ANKRD53: variants seen among roughly 807,000 people sequenced by gnomAD.
ANKRD53 encodes the protein ankyrin repeat domain-containing protein 53.
ANKRD53 carries 27 observed loss-of-function variants against 30.1 expected under a neutral mutation model. That is an observed-to-expected ratio of 0.90 (90% confidence interval 0.66 to 1.24). ANKRD53 has a LOEUF of 1.24. Among genes scored for constraint, ANKRD53 ranks in the 50% most tolerant of loss-of-function variants. The probability of loss-of-function intolerance (pLI) is 0.00; values close to 1 mark genes in which losing one functional copy is unlikely to be tolerated. For synonymous variants in ANKRD53, 286 were observed against 295.4 expected, an observed-to-expected ratio of 0.97 and a Z score of 0.33; for missense variants, 682 against 721.0, an observed-to-expected ratio of 0.95 and a Z score of 0.62.
chr2:70,982,716 G>C lies in ANKRD53; in HGVS notation c.903+19G>C, dbSNP rs1053858037. 1.2e-6 allele frequency: 2 copies of C among 1,612,336 alleles called. No individual in the cohort carries two copies. Among genetic ancestry groups the C allele is most frequent in the African/African-American group, 1.3e-5 (1 of 74,820 alleles). On this transcript the variant is annotated intron_variant, in intron 5 of 5. Transcript: ENST00000360589. This position sits in a 1 kb window ranked among gnomAD's most constrained non-coding sequence, Gnocchi z 4.2. ...GTATCAAGTAAGGGGGACAGCAGGG[G>C]GGCCAGGGGACAGCTGCTATCCAGG...
Position 70,982,523 on chromosome 2 carries a change from A to G in ANKRD53, c.783-54A>G. 6.2e-7 allele frequency: 1 copy of G among 1,603,146 alleles called. No homozygotes were observed. Among genetic ancestry groups the G allele is most frequent in the East Asian group, 2.2e-5 (1 of 44,706 alleles). Reference sequence around the variant, plus strand: ...CAGCAGCAGCCAGTCTTCCCAGCCCAGGTGGAAGCTCTGTCACTGTGGGAT... The same window carrying G: ...CAGCAGCAGCCAGTCTTCCCAGCCCGGGTGGAAGCTCTGTCACTGTGGGAT... On this transcript the variant is annotated intron_variant, in intron 4 of 5. Transcript: ENST00000360589. The surrounding 1 kb of genome is among the most constrained non-coding windows in gnomAD (Gnocchi z 4.2).
At position 70,982,500 on chromosome 2, in the gene ANKRD53, G is replaced by T. The variant is rs1012393371; in HGVS notation, c.783-77G>T. 8.9e-6 allele frequency: 14 copies of T among 1,581,702 alleles called. No homozygotes were observed. Among genetic ancestry groups the T allele is most frequent in the Middle Eastern group, 1.7e-4 (1 of 5,884 alleles). Reference sequence around the variant, plus strand: ...CCCCTCATCCCCATCCAAGCCCTCAGCAGCAGCCAGTCTTCCCAGCCCAGG... The same window carrying T: ...CCCCTCATCCCCATCCAAGCCCTCATCAGCAGCCAGTCTTCCCAGCCCAGG... On this transcript the variant is annotated intron_variant, in intron 4 of 5. Transcript: ENST00000360589. The surrounding 1 kb of genome is among the most constrained non-coding windows in gnomAD (Gnocchi z 4.2).
Position 70,979,819 on chromosome 2 carries a change from C to G in ANKRD53, c.576C>G (p.Pro192=). ...IHRDNTTVAL[P]CIYYLLEKGA... ...GGGACAACACCACCGTGGCCCTCCC[C>G]TGCATCTACTACCTGCTGGAGAAAG... is the stretch of plus-strand genomic sequence containing the variant. The change falls in exon 3 of 6, where the codon CCC becomes CCG. Residue 192 remains proline, a synonymous_variant. Transcript: ENST00000360589. 1.9e-6 allele frequency: 3 copies of G among 1,614,258 alleles called. No individual in the cohort carries two copies.
Position 70,984,750 on chromosome 2 carries a change from A to G in ANKRD53, c.1043A>G (p.Gln348Arg), listed in dbSNP as rs1553424375. Residue 348 changes from glutamine (Q) to arginine (R), a missense_variant, in exon 6 of 6, where the codon CAG (glutamine) becomes CGG (arginine). By Grantham distance (43) the Gln-to-Arg change is conservative (BLOSUM62 1). Coordinates refer to ENST00000360589, the MANE Select transcript of ANKRD53 (RefSeq NM_001115116.2). ...AAGACCCCAGAGCAACGGGAATCGC[A>G]GCGTTCCAGGAGCTTCCACCCCTCT... ...LSKTPEQRES[Q>R]RSRSFHPSVD... 1.3e-6 allele frequency: 2 copies of G among 1,591,766 alleles called. No individual in the cohort carries two copies. Among genetic ancestry groups the G allele is most frequent in the Admixed American group, 1.8e-5 (1 of 55,210 alleles).
At chr2:70,978,480 G>T, upstream of ANKRD53, 2 of 765,780 alleles carry the variant, frequency 2.6e-6, no homozygotes, top group African/African-American at 1.9e-5. The surrounding 1 kb of genome is among the most constrained non-coding windows in gnomAD (Gnocchi z 4.3). Flanking sequence ...CAGGGTCCCC[G>T]GAGGCCCCCG....
At position 70,984,777 on chromosome 2, in the gene ANKRD53, T is replaced by G. The variant is rs1210668670; in HGVS notation, c.1070T>G (p.Val357Gly). The change falls in exon 6 of 6, where the codon GTG (valine) becomes GGG (glycine). Residue 357 changes from valine to glycine, a missense_variant. Val to Gly is a moderately radical substitution (Grantham distance 109, BLOSUM62 -3). Transcript: ENST00000360589. ...SQRSRSFHPS[V>G]DARLQCIPQP... ...CGTTCCAGGAGCTTCCACCCCTCTG[T>G]GGATGCACGCCTGCAATGCATTCCA... is the stretch of plus-strand genomic sequence containing the variant. The G allele has an allele frequency of 6.4e-7, 1 of 1,565,520 alleles. No individual in the cohort carries two copies. Among genetic ancestry groups the G allele is most frequent in the Non-Finnish European group, 8.7e-7 (1 of 1,154,244 alleles).
rs782783901 is a variant in ANKRD53, at chr2:70,979,344, G to A, written c.417+1G>A. The stretch of plus-strand genomic sequence containing the variant: ...CAGGGAAATCCCCACCGACGACAAG[G>A]TAAGGTCTTGAGTGTTGGGGCAAAG... On this transcript the variant is annotated splice_donor_variant, in intron 2 of 5. Coordinates refer to ENST00000360589, the MANE Select transcript of ANKRD53 (RefSeq NM_001115116.2). LOFTEE classifies it high-confidence loss of function. 6 of 1,613,530 alleles carry A rather than the reference G, an allele frequency of 3.7e-6. No homozygotes were observed. The South Asian group carries it at 6.6e-5, about 18-fold the overall frequency.
In ANKRD53 at chr2:70,981,981, C is replaced by T. The variant is rs782748122; in HGVS notation, c.663C>T (p.Asp221=). The change falls in exon 4 of 6, where the codon GAC becomes GAT. Residue 221 remains aspartate, a synonymous_variant. Coordinates refer to ENST00000360589, the MANE Select transcript of ANKRD53 (RefSeq NM_001115116.2). ...GSTPLHLAAR[D]GLLDCVKVLV... is the part of the protein sequence containing the mutation. The stretch of plus-strand genomic sequence containing the variant: ...CGCCCCTGCACCTGGCAGCCCGTGA[C>T]GGCTTGCTGGACTGTGTGAAGGTCC... 3.0e-5 allele frequency: 48 copies of T among 1,610,586 alleles called. No individual in the cohort carries two copies. Among genetic ancestry groups the T allele is most frequent in the South Asian group, 4.4e-5 (4 of 90,596 alleles).
chr2:70,984,951 C>A lies in ANKRD53; in HGVS notation c.1244C>A (p.Thr415Asn), dbSNP rs1553424485. The A allele has an allele frequency of 7.7e-6, 12 of 1,550,448 alleles. No individual in the cohort carries two copies. The highest frequency in any genetic ancestry group is 7.8e-6 in the Non-Finnish European group (9 of 1,146,782). Reference protein sequence around the residue: ...GIRLGVHPDPTPEHDFSSFLE... With the variant: ...GIRLGVHPDPNPEHDFSSFLE... Reference sequence around the variant, plus strand: ...CGCCTGGGCGTGCATCCAGACCCCACTCCGGAGCACGACTTCAGCAGCTTC... The same window carrying A: ...CGCCTGGGCGTGCATCCAGACCCCAATCCGGAGCACGACTTCAGCAGCTTC... The change falls in exon 6 of 6, where the codon ACT becomes AAT. Residue 415 changes from threonine (T) to asparagine (N), a missense_variant. Coordinates refer to ENST00000360589, the MANE Select transcript of ANKRD53 (RefSeq NM_001115116.2).
At position 70,985,496 on chromosome 2, in the gene ANKRD53, C is replaced by CG. The variant is rs1553424785; in HGVS notation, c.*196_*197insG. On this transcript the variant is annotated 3_prime_UTR_variant, in exon 6 of 6. Transcript: ENST00000360589. ...CTGCAAATAAATCTCTTGGCACCCC[C>CG]CCACCGCCGCCAGGAAATCCAAGTT... 2.2e-5 allele frequency: 13 copies of CG among 583,304 alleles called. No individual in the cohort carries two copies. The highest frequency in any genetic ancestry group is 1.0e-4 in the Admixed American group (3 of 29,484). 36.1% of individuals were successfully genotyped at this position (583,304 alleles called of 1,614,324 possible). A position where few individuals can be genotyped will look rare whatever the true frequency, so the allele number is the denominator to read the frequency against.
chr2:70,982,168 C>A lies in ANKRD53; in HGVS notation c.782+68C>A. On this transcript the variant is annotated intron_variant, in intron 4 of 5. Transcript: ENST00000360589. This position sits in a 1 kb window ranked among gnomAD's most constrained non-coding sequence, Gnocchi z 4.2. The stretch of plus-strand genomic sequence containing the variant: ...CCTCCCCCAGCCTTTTCCCTAGGGC[C>A]CTCACCACAGCTGAGCCTTTAAGGG... 1 of 1,510,024 alleles carries A rather than the reference C, an allele frequency of 6.6e-7. No homozygotes were observed. 93.5% of individuals were successfully genotyped at this position (1,510,024 alleles called of 1,614,324 possible).
Position 70,982,962 on chromosome 2 carries a change from G to GTA in ANKRD53, c.903+266_903+267dup, listed in dbSNP as rs1670055405. 1.3e-5 allele frequency among the ~76,000 whole-genome samples: 2 copies of GTA among 152,196 alleles called. No homozygotes were observed. The highest frequency in any genetic ancestry group is 4.8e-5 in the African/African-American group (2 of 41,444). On this transcript the variant is annotated intron_variant, in intron 5 of 5. Coordinates refer to ENST00000360589, the MANE Select transcript of ANKRD53 (RefSeq NM_001115116.2). The surrounding 1 kb of genome is among the most constrained non-coding windows in gnomAD (Gnocchi z 4.2). Reference sequence around the variant, plus strand: ...CAAGTATTTCTGGGCCCCTCCTAGTGTACTGCCTCTTTCAGGATGAGAACC... The same window carrying GTA: ...CAAGTATTTCTGGGCCCCTCCTAGTGTATACTGCCTCTTTCAGGATGAGAACC...
At position 70,978,663 on chromosome 2, in the gene ANKRD53, C is replaced by A; in HGVS notation, c.18C>A (p.Ser6Arg). 2.6e-6 allele frequency: 4 copies of A among 1,542,200 alleles called. No homozygotes were observed. In the African/African-American group the frequency reaches 4.2e-5, roughly 16 times the overall value. ...GCCCCGCGATGGCCTCCGCGGGCAGCACCGCTCGGCGGGCGGGCTCCGGAA... is the reference window on the plus strand; with the variant it reads ...GCCCCGCGATGGCCTCCGCGGGCAGAACCGCTCGGCGGGCGGGCTCCGGAA... MASAG[S>R]TARRAGSGSW... is the part of the protein sequence containing the mutation. The change falls in exon 1 of 6, where the codon AGC (serine) becomes AGA (arginine). Residue 6 changes from serine (S) to arginine (R), a missense_variant. Physicochemically the swap from Ser to Arg is moderately radical, Grantham distance 110. Transcript: ENST00000360589. This position sits in a 1 kb window ranked among gnomAD's most constrained non-coding sequence, Gnocchi z 4.3.
intron 5 of ANKRD53, 103 bp from the exon 6 acceptor site, chr2:70,984,508 C>T: frequency 6.5e-7 from 1 of 1,539,982 alleles, no homozygotes; most frequent in East Asian, 2.3e-5. Flanking sequence ...TTTCCCTCAT[C>T]CTTCAGACTG....
intron 5 of ANKRD53, among the ~76,000 whole-genome samples, chr2:70,983,502 T>G (rs1273721630): frequency 6.6e-6 from 1 of 152,186 alleles, no homozygotes; most frequent in African/African-American, 2.4e-5. Context: ...ACTCAGAAGA[T>G]ACTGGGAATC....
chr2:70,982,827 G>A lies in ANKRD53; in HGVS notation c.903+130G>A, dbSNP rs1417989171. 1 of 1,245,302 alleles carries A rather than the reference G, an allele frequency of 8.0e-7. No individual in the cohort carries two copies. The highest frequency in any genetic ancestry group is 2.5e-5 in the East Asian group (1 of 39,748). The allele number at this position is 1,245,302 out of a possible 1,614,324, so 77.1% of individuals were successfully genotyped here. A position where few individuals can be genotyped will look rare whatever the true frequency, so the allele number is the denominator to read the frequency against. ...CCCTGAAAGAGCCACCCTTTCGCCT[G>A]TACTCCCACCGGGTACTCTGACTGA... is the stretch of plus-strand genomic sequence containing the variant. On this transcript the variant is annotated intron_variant, in intron 5 of 5. Coordinates refer to ENST00000360589, the MANE Select transcript of ANKRD53 (RefSeq NM_001115116.2). The surrounding 1 kb of genome is among the most constrained non-coding windows in gnomAD (Gnocchi z 4.2).
At chr2:70,980,924 C>T (rs368138729) in intron 3 of ANKRD53, among the ~76,000 whole-genome samples, 9 of 151,726 alleles carry the variant, frequency 5.9e-5, no homozygotes, top group East Asian at 1.9e-4. Flanking sequence ...CCAGCCTGGG[C>T]GACAGAGCGA....
chr2:70,978,585 G>T, upstream of ANKRD53: 1 of 1,420,776 alleles, frequency 7.0e-7, no homozygotes, highest in South Asian at 1.6e-5. The surrounding 1 kb of genome is among the most constrained non-coding windows in gnomAD (Gnocchi z 4.3). Context: ...GCCCCCGGGG[G>T]CGGGGCGCCG....
Position 70,979,433 on chromosome 2 carries a change from G to C in ANKRD53, c.417+90G>C. ...ACCTGGAGAAGAGATATCCTTTTCT[G>C]GGTAGATCTTCCTAATTTAACTCAT... On this transcript the variant is annotated intron_variant, in intron 2 of 5. Transcript: ENST00000360589. 4 of 1,566,644 alleles carry C rather than the reference G, an allele frequency of 2.6e-6. No individual in the cohort carries two copies. In the East Asian group the frequency reaches 9.1e-5, roughly 36 times the overall value.
Sources: gnomAD v4.1 joint callset for allele counts (sites outside exome capture counted in the v4.1 genomes callset) on GRCh38, gnomAD v4.1.1 for gene constraint, Gnocchi (gnomAD v3.1) non-coding constraint, MANE v1.5 for transcripts, NCBI Gene and HGNC (gene_info 2026-07-23, HGNC 2026-07-21) for gene names.